The following HIVEP1 variants were observed in gnomAD, a reference collection of about 807,000 sequenced individuals.
The protein encoded by HIVEP1 is zinc finger protein 40.
In HIVEP1, 36 loss-of-function variants were observed where a neutral mutation model predicts 180.0. That is an observed-to-expected ratio of 0.20 (90% CI 0.15 to 0.26). The LOEUF (loss-of-function observed/expected upper bound fraction) is 0.26. Ranked by LOEUF, HIVEP1 falls within the 10% of genes least tolerant of loss-of-function variation. The pLI is 1.00. For synonymous variants in HIVEP1, 1,239 were observed against 1,239.0 expected, an observed-to-expected ratio of 1.00 and a Z score of 0.00; for missense variants, 3,143 against 3,268.7, an observed-to-expected ratio of 0.96 and a Z score of 0.94.
intron 2 of HIVEP1, chr6:12,038,190 T>G (rs1769420717): frequency 6.4e-6 from 1 of 156,932 alleles, no homozygotes; most frequent in African/African-American, 2.4e-5. Context: ...TATTAGATTT[T>G]ATTTAATGCT....
At chr6:12,172,793 T>C in the HIVEP1 span, among the ~76,000 whole-genome samples, 1 of 151,992 alleles carries the variant, frequency 6.6e-6, no homozygotes, top group Non-Finnish European at 1.5e-5. Flanking sequence ...ACGGTCCTTT[T>C]TTTTTTTTTT....
chr6:12,205,663 C>T, the HIVEP1 span, among the ~76,000 whole-genome samples: 3 of 152,090 alleles, frequency 2.0e-5, no homozygotes, highest in African/African-American at 4.8e-5. Context: ...CCCCTTGAGT[C>T]GTTATAAGGG....
At chr6:12,042,560 C>T (rs1769844614) in intron 2 of HIVEP1, among the ~76,000 whole-genome samples, 1 of 151,522 alleles carries the variant, frequency 6.6e-6, no homozygotes, top group Non-Finnish European at 1.5e-5. Flanking sequence ...GTGATTCTCT[C>T]AATCTATATT....
At chr6:12,038,337 T>A (rs1769429814) in intron 2 of HIVEP1, 1 of 152,280 alleles carries the variant, frequency 6.6e-6, no homozygotes, top group Admixed American at 6.5e-5. Context: ...TCCATCAATT[T>A]GGCTAAACTG....
the HIVEP1 span, among the ~76,000 whole-genome samples, chr6:12,197,438 A>G: frequency 2.8e-4 from 42 of 152,088 alleles, no homozygotes; most frequent in Admixed American, 7.9e-4. Context: ...ATGTGCCTGT[A>G]ATCCCAGCTA....
chr6:12,037,713 T>C (rs1769375166), intron 2 of HIVEP1: 2 of 378,712 alleles, frequency 5.3e-6, no homozygotes, highest in Non-Finnish European at 9.3e-6. Flanking sequence ...TGTTTTTTCC[T>C]TTTTTTTTGT....
chr6:12,195,311 A>G, the HIVEP1 span, among the ~76,000 whole-genome samples: 1 of 152,216 alleles, frequency 6.6e-6, no homozygotes, highest in African/African-American at 2.4e-5. Flanking sequence ...TAAGTGCTCA[A>G]TAAATATATG....
rs913762856 is a variant in HIVEP1, at chr6:12,123,848, G to A, written c.4053G>A (p.Leu1351=). 3.1e-6 allele frequency: 5 copies of A among 1,614,038 alleles called. No homozygotes were observed. Among genetic ancestry groups the A allele is most frequent in the East Asian group, 4.5e-5 (2 of 44,900 alleles). ...KAEFLMIPAG[L]NTLNVPGCHR... Reference sequence around the variant, plus strand: ...AGTTTCTTATGATTCCAGCTGGCTTGAATACTCTGAATGTTCCTGGATGTC... The same window carrying A: ...AGTTTCTTATGATTCCAGCTGGCTTAAATACTCTGAATGTTCCTGGATGTC... Residue 1351 remains leucine, a synonymous_variant, in exon 4 of 9, where the codon TTG becomes TTA. Transcript: ENST00000379388.
chr6:12,174,560 A>C, the HIVEP1 span, among the ~76,000 whole-genome samples: 1 of 152,138 alleles, frequency 6.6e-6, no homozygotes, highest in African/African-American at 2.4e-5. Flanking sequence ...ATCCTGGAAA[A>C]ATGTTTTGTT....
chr6:12,087,215 C>T (rs893075672), intron 2 of HIVEP1, among the ~76,000 whole-genome samples: 2 of 151,972 alleles, frequency 1.3e-5, no homozygotes, highest in Admixed American at 1.3e-4. Flanking sequence ...ATTTTGTAAG[C>T]AGATATAAAC....
chr6:12,168,033 T>TA (rs1491475196), downstream of HIVEP1, among the ~76,000 whole-genome samples: 3 of 43,734 alleles, frequency 6.9e-5, 1 homozygote, highest in African/African-American at 3.3e-4. Flanking sequence ...TATGTATATA[T>TA]TATATATACA....
chr6:12,165,701 CA>C (rs1170870944), downstream of HIVEP1, among the ~76,000 whole-genome samples: 3 of 152,156 alleles, frequency 2.0e-5, no homozygotes, highest in East Asian at 5.8e-4. Context: ...AAATACTTAG[CA>C]CATCATTAAG....
At position 12,124,509 on chromosome 6, in the gene HIVEP1, T is replaced by A; in HGVS notation, c.4714T>A (p.Ser1572Thr). The change falls in exon 4 of 9, where the codon TCT becomes ACT. Residue 1572 changes from serine (S) to threonine (T), a missense_variant. Around this residue, in one of 12 missense-constraint regions of HIVEP1, gnomAD observed 1,357 missense variants for 1,260.5 expected, o/e 1.08. Transcript: ENST00000379388. Reference protein sequence around the residue: ...LHCQVFTSGPSCSSNPVHSLP... With the variant: ...LHCQVFTSGPTCSSNPVHSLP... ...TTGTCAGGTTTTCACTTCAGGCCCA[T>A]CTTGCTCTTCTAATCCTGTGCATTC... 6.2e-7 allele frequency: 1 copy of A among 1,614,200 alleles called. No individual in the cohort carries two copies.
intron 2 of HIVEP1, among the ~76,000 whole-genome samples, chr6:12,058,991 G>T (rs1195885305): frequency 6.7e-6 from 1 of 149,132 alleles, no homozygotes; most frequent in African/African-American, 2.5e-5. Context: ...TCTGTTTGTT[G>T]CCCAGGCTGG....
chr6:12,051,419 C>T (rs997692161), intron 2 of HIVEP1, among the ~76,000 whole-genome samples: 1 of 151,960 alleles, frequency 6.6e-6, no homozygotes, highest in Non-Finnish European at 1.5e-5. Flanking sequence ...ATCTAGAAAA[C>T]AAGATACTGT....
At chr6:12,140,574 A>G (rs539790859) in intron 7 of HIVEP1, among the ~76,000 whole-genome samples, 4 of 152,348 alleles carry the variant, frequency 2.6e-5, no homozygotes, top group South Asian at 2.1e-4. Flanking sequence ...AACTTTTCCA[A>G]GCTAAAGGAG....
At chr6:12,057,973 A>G (rs991414961) in intron 2 of HIVEP1, among the ~76,000 whole-genome samples, 2 of 152,212 alleles carry the variant, frequency 1.3e-5, no homozygotes, top group African/African-American at 4.8e-5. Flanking sequence ...CAAATATTTT[A>G]TTCCCCATAG....
chr6:12,010,779 C>G (rs1767234146), upstream of HIVEP1, among the ~76,000 whole-genome samples: 1 of 152,186 alleles, frequency 6.6e-6, no homozygotes, highest in Non-Finnish European at 1.5e-5. Flanking sequence ...GGTCCAGCCC[C>G]TCTTCACTGC....
chr6:12,134,509 T>C (rs971237292), intron 6 of HIVEP1, among the ~76,000 whole-genome samples: 3 of 152,258 alleles, frequency 2.0e-5, no homozygotes, highest in Non-Finnish European at 4.4e-5. Flanking sequence ...CTATTTTCCA[T>C]GTGCTTCGGC....
Sources: allele counts gnomAD v4.1 joint callset (sites outside exome capture counted in the v4.1 genomes callset), GRCh38; gene constraint gnomAD v4.1.1; regional missense constraint gnomAD v4.1.1; transcripts MANE v1.5; gene names NCBI Gene and HGNC (gene_info 2026-07-23, HGNC 2026-07-21).